Variants in ACO2 observed in about 807,000 individuals in gnomAD.
ACO2 encodes aconitase 2, also known as aconitate hydratase, mitochondrial.
In ACO2, 31 loss-of-function variants were observed where a neutral mutation model predicts 84.5. The observed-to-expected ratio is 0.37, with a 90% CI of 0.28 to 0.50. The LOEUF is 0.50. ACO2 is among the 20% of genes least tolerant of loss of function. ACO2 has a pLI of 0.97. For synonymous variants in ACO2, 414 were observed against 412.7 expected, an observed-to-expected ratio of 1.00 and a Z score of -0.04; for missense variants, 685 against 1,029.3, an observed-to-expected ratio of 0.67 and a Z score of 4.58.
chr22:41,509,889 G>A (rs573980425), intron 3 of ACO2, among the ~76,000 whole-genome samples: 1 of 136,236 alleles, frequency 7.3e-6, no homozygotes, highest in East Asian at 2.2e-4. Context: ...ACACAATCTC[G>A]GCTCACTGCA....
At chr22:41,486,042 G>C (rs9623409) in intron 1 of ACO2, among the ~76,000 whole-genome samples, 4,672 of 152,172 alleles carry the variant, frequency 0.031, 246 homozygotes, top group African/African-American at 0.1. Flanking sequence ...TGCTCTCTCT[G>C]TGAAGCCTTG....
At position 41,525,182 on chromosome 22, in the gene ACO2, C is replaced by T. The variant is rs770479712; in HGVS notation, c.1606-11C>T. The T allele has an allele frequency of 6.2e-7, 1 of 1,613,018 alleles. No homozygotes were observed. Reference sequence around the variant, plus strand: ...ACTCAGCACCCCACGCATCCCCATTCCCTGCTGCAGGAGTTTGACCCAGGG... The same window carrying T: ...ACTCAGCACCCCACGCATCCCCATTTCCTGCTGCAGGAGTTTGACCCAGGG... On this transcript the variant is annotated splice_polypyrimidine_tract_variant and intron_variant, in intron 13 of 17. Coordinates refer to ENST00000216254, the MANE Select transcript of ACO2 (RefSeq NM_001098.3).
At chr22:41,482,310 G>A (rs150307492) in intron 1 of ACO2, among the ~76,000 whole-genome samples, 5 of 152,372 alleles carry the variant, frequency 3.3e-5, no homozygotes, top group African/African-American at 1.2e-4. Context: ...GAGGTTGGGA[G>A]ACACTGTCGG....
rs751460831 is a variant in ACO2, at chr22:41,499,861, C to T, written c.172C>T (p.Arg58Ter). ...GAAGAACATTAACATTGTTCGCAAA[C>T]GGTAAGGCTGCAGATGGGAGGCTGT... Reference protein sequence around the residue: ...LEKNINIVRKRLNRPLTLSEK... With the variant: ...LEKNINIVRK The change falls in exon 2 of 18, where the codon CGA (arginine) becomes TGA (stop). Residue 58 changes from arginine to a stop codon, truncating the protein, a stop_gained and splice_region_variant. Transcript: ENST00000216254. LOFTEE classifies it high-confidence loss of function. The T allele has an allele frequency of 2.5e-6, 4 of 1,613,710 alleles. No homozygotes were observed. The highest frequency in any genetic ancestry group is 1.3e-5 in the African/African-American group (1 of 74,900).
At position 41,528,012 on chromosome 22, in the gene ACO2, C is replaced by T; in HGVS notation, c.2198C>T (p.Thr733Ile). 6.2e-7 allele frequency: 1 copy of T among 1,614,156 alleles called. No homozygotes were observed. Among genetic ancestry groups the T allele is most frequent in the South Asian group, 1.1e-5 (1 of 91,076 alleles). Residue 733 changes from threonine (T) to isoleucine (I), a missense_variant, in exon 17 of 18, where the codon ACC (threonine) becomes ATC (isoleucine). Thr to Ile is a moderately conservative substitution (Grantham distance 89). This residue lies in a region of ACO2 where 174 missense variants were observed against 236.6 expected (regional missense o/e 0.74). Transcript: ENST00000216254. ...KLTIQGLKDF[T>I]PGKPLKCIIK... ...ACCATTCAGGGCCTGAAGGACTTCACCCCTGGCAAGGTTAGGGGCCCGGGT... is the reference window on the plus strand; with the variant it reads ...ACCATTCAGGGCCTGAAGGACTTCATCCCTGGCAAGGTTAGGGGCCCGGGT...
intron 1 of ACO2, among the ~76,000 whole-genome samples, chr22:41,479,601 C>T (rs556281822): frequency 2.0e-5 from 3 of 152,144 alleles, no homozygotes; most frequent in Non-Finnish European, 4.4e-5. Flanking sequence ...CGGCTCTGTG[C>T]CTGTTTGGGT....
At chr22:41,520,678 T>TA (rs1461294462) in intron 9 of ACO2, among the ~76,000 whole-genome samples, 1 of 151,698 alleles carries the variant, frequency 6.6e-6, no homozygotes, top group Non-Finnish European at 1.5e-5. Context: ...CCATCTCTAC[T>TA]AAAAATACAA....
intron 7 of ACO2, 72 bp downstream of exon 7, chr22:41,517,703 C>A: frequency 7.3e-7 from 1 of 1,374,190 alleles, no homozygotes; most frequent in Non-Finnish European, 1.0e-6. Flanking sequence ...CAGAGCTATG[C>A]CTTTCCCTGT....
At chr22:41,491,597 TAAG>T (rs1022872210) in intron 1 of ACO2, among the ~76,000 whole-genome samples, 3 of 152,082 alleles carry the variant, frequency 2.0e-5, no homozygotes, top group African/African-American at 4.8e-5. Flanking sequence ...GTAAGAAAAA[TAAG>T]AAGAGGCATG....
chr22:41,507,216 G>A (rs1471151732), intron 2 of ACO2, among the ~76,000 whole-genome samples: 4 of 152,164 alleles, frequency 2.6e-5, no homozygotes, highest in Admixed American at 6.5e-5. Context: ...CAAAGTCTTA[G>A]TGTCATAGTT....
At chr22:41,502,253 A>C (rs1569010976) in intron 2 of ACO2, among the ~76,000 whole-genome samples, 1 of 152,218 alleles carries the variant, frequency 6.6e-6, no homozygotes, top group East Asian at 1.9e-4. Context: ...GCTATTCAAA[A>C]TGTGGTCCAT....
chr22:41,494,411 C>CT (rs879644372), intron 1 of ACO2, among the ~76,000 whole-genome samples: 2,415 of 139,074 alleles, frequency 0.017, 43 homozygotes, highest in Admixed American at 0.059. Context: ...TATTCTGTAT[C>CT]TTTTTTTTTT....
intron 4 of ACO2, among the ~76,000 whole-genome samples, chr22:41,514,166 G>A (rs2066458291): frequency 6.6e-6 from 1 of 152,178 alleles, no homozygotes; most frequent in Non-Finnish European, 1.5e-5. Flanking sequence ...TGCTTGTCCT[G>A]AGGCAGAGGC....
chr22:41,509,272 CAT>C (rs1230057407), intron 3 of ACO2, among the ~76,000 whole-genome samples: 2 of 152,148 alleles, frequency 1.3e-5, no homozygotes, highest in African/African-American at 2.4e-5. Context: ...GATGCACACT[CAT>C]AGCATTCAGA....
intron 7 of ACO2, among the ~76,000 whole-genome samples, chr22:41,518,129 C>T (rs1213481077): frequency 1.3e-5 from 2 of 152,192 alleles, no homozygotes; most frequent in Non-Finnish European, 2.9e-5. Flanking sequence ...GAACGAGGAG[C>T]CAGAGACCAG....
At chr22:41,503,053 C>T (rs1004239155) in intron 2 of ACO2, among the ~76,000 whole-genome samples, 7 of 152,292 alleles carry the variant, frequency 4.6e-5, no homozygotes, top group Admixed American at 4.6e-4. Flanking sequence ...GCAAGAGGTT[C>T]GCTTTGAGAT....
rs148979741 is a variant in ACO2 at position 41,496,904 on chromosome 22, G to A, written c.37-2822G>A. Among the ~76,000 whole-genome samples, 31 of 152,202 alleles carry A rather than the reference G, an allele frequency of 2.0e-4. No individual in the cohort carries two copies. In the East Asian group the frequency reaches 6.0e-3, roughly 29 times the overall value. ...GAATGGCTGCTCTGGGTACATACTG[G>A]GTTCAGGTGCTGAGATTGACAGCGT... On this transcript the variant is annotated intron_variant, in intron 1 of 17. Transcript: ENST00000216254.
chr22:41,469,170 G>C lies in ACO2; in HGVS notation c.24G>C (p.Val8=). Residue 8 remains valine (V), a synonymous_variant, in exon 1 of 18, where the codon GTG becomes GTC. Transcript: ENST00000216254. MAPYSLL[V]TRLQKALGVR... Reference sequence around the variant, plus strand: ...AAATGGCGCCCTACAGCCTACTGGTGACTCGGCTGCAGGTGAGCGAGCTCA... The same window carrying C: ...AAATGGCGCCCTACAGCCTACTGGTCACTCGGCTGCAGGTGAGCGAGCTCA... 1 of 1,608,746 alleles carries C rather than the reference G, an allele frequency of 6.2e-7. No homozygotes were observed. Among genetic ancestry groups the C allele is most frequent in the Non-Finnish European group, 8.5e-7 (1 of 1,177,384 alleles).
intron 1 of ACO2, among the ~76,000 whole-genome samples, chr22:41,478,481 GGA>G (rs749339065): frequency 3.3e-5 from 5 of 152,152 alleles, no homozygotes; most frequent in Non-Finnish European, 7.3e-5. Context: ...AAGAGTTGGG[GGA>G]AGAGGTAGAA....
Sources: allele counts gnomAD v4.1 joint callset (sites outside exome capture counted in the v4.1 genomes callset), GRCh38; gene constraint gnomAD v4.1.1; regional missense constraint gnomAD v4.1.1; transcripts MANE v1.5; gene names NCBI Gene and HGNC (gene_info 2026-07-23, HGNC 2026-07-21).